The following THSD4 variants were observed in gnomAD, a reference collection of about 807,000 sequenced individuals.
THSD4 encodes thrombospondin type 1 domain containing 4.
THSD4 carries 69 observed loss-of-function variants against 119.0 expected under a neutral mutation model. That is an observed-to-expected ratio of 0.58 (90% CI 0.48 to 0.71). The LOEUF (loss-of-function observed/expected upper bound fraction) is 0.71. Among genes scored for constraint, THSD4 ranks in the 30% least tolerant of loss-of-function variants. The pLI, the probability that THSD4 is intolerant of heterozygous loss-of-function variation, is 0.00. For synonymous variants in THSD4, 524 were observed against 540.4 expected (o/e 0.97, Z 0.42); for missense variants, 1,393 against 1,391.1 (o/e 1.00, Z -0.02).
At chr15:71,503,548 A>G (rs1354801492) in intron 7 of THSD4, among the ~76,000 whole-genome samples, 1 of 152,148 alleles carries the variant, frequency 6.6e-6, no homozygotes, top group Non-Finnish European at 1.5e-5. Flanking sequence ...TGAAAAAACA[A>G]AACAAGTGTC....
intron 7 of THSD4, among the ~76,000 whole-genome samples, chr15:71,582,964 C>G (rs931736815): frequency 6.6e-6 from 1 of 152,128 alleles, no homozygotes; most frequent in Non-Finnish European, 1.5e-5. Flanking sequence ...GAAATGCTCT[C>G]TCCCTTTCAG....
intron 7 of THSD4, among the ~76,000 whole-genome samples, chr15:71,487,520 C>A (rs1397427196): frequency 1.3e-5 from 2 of 152,158 alleles, no homozygotes; most frequent in African/African-American, 4.8e-5. Context: ...AAGAAACTGT[C>A]AACCAGTGTA....
intron 3 of THSD4, among the ~76,000 whole-genome samples, chr15:71,174,728 A>C (rs1394950340): frequency 6.6e-6 from 1 of 150,578 alleles, no homozygotes; most frequent in African/African-American, 2.4e-5. Flanking sequence ...CTGCAGACTT[A>C]AGTGTCCCTG....
chr15:71,404,843 C>CTTTCTTTCT (rs199852380), intron 6 of THSD4, among the ~76,000 whole-genome samples: 1 of 151,940 alleles, frequency 6.6e-6, no homozygotes, highest in Non-Finnish European at 1.5e-5. Context: ...GTTGTCTTCT[C>CTTTCTTTCT]TTTCTTTCTT....
At chr15:71,604,345 AT>A (rs1439875931) in intron 7 of THSD4, among the ~76,000 whole-genome samples, 6 of 152,204 alleles carry the variant, frequency 3.9e-5, no homozygotes, top group Non-Finnish European at 5.9e-5. Flanking sequence ...ACACTTTGTA[AT>A]TTACAGATTG....
At chr15:71,445,727 G>T (rs1251479670) in intron 7 of THSD4, among the ~76,000 whole-genome samples, 1 of 152,222 alleles carries the variant, frequency 6.6e-6, no homozygotes, top group Non-Finnish European at 1.5e-5. Context: ...CATTGGTTAG[G>T]ACCACTGTTT....
chr15:71,173,979 A>G (rs141856941), intron 3 of THSD4, among the ~76,000 whole-genome samples: 8 of 152,182 alleles, frequency 5.3e-5, no homozygotes, highest in African/African-American at 1.7e-4. Context: ...GAACTATAAA[A>G]CTCTTAGAAG....
chr15:71,365,131 T>TTGTGTGTGTGTGAGTGTGTG (rs2045942046), intron 6 of THSD4, among the ~76,000 whole-genome samples: 1 of 135,824 alleles, frequency 7.4e-6, no homozygotes, highest in Non-Finnish European at 1.6e-5. Context: ...GCCCCCCCCA[T>TTGTGTGTGTGTGAGTGTGTG]TGTGTGTGTG....
At chr15:71,394,729 C>T (rs1283161404) in intron 6 of THSD4, among the ~76,000 whole-genome samples, 1 of 152,240 alleles carries the variant, frequency 6.6e-6, no homozygotes, top group South Asian at 2.1e-4. Flanking sequence ...TAAAACCTTT[C>T]CTGATACCCT....
At chr15:71,627,123 G>T (rs762556039) in intron 7 of THSD4, among the ~76,000 whole-genome samples, 7 of 152,020 alleles carry the variant, frequency 4.6e-5, no homozygotes, top group Non-Finnish European at 1.0e-4. Context: ...AACATGTCCT[G>T]AGGTTACAGA....
intron 7 of THSD4, among the ~76,000 whole-genome samples, chr15:71,427,421 C>T (rs1157861521): frequency 1.3e-5 from 2 of 151,620 alleles, no homozygotes; most frequent in African/African-American, 2.4e-5. Flanking sequence ...ATGATGAATG[C>T]TGTTGATGAA....
chr15:71,748,314 G>A (rs781598954), intron 13 of THSD4, 107 bp from the exon 14 acceptor site: 3 of 1,372,784 alleles, frequency 2.2e-6, no homozygotes, highest in Admixed American at 4.2e-5. Flanking sequence ...GCATGACAGA[G>A]CCTCAGTCTC....
In THSD4 at chr15:71,711,407, T is replaced by C. The variant is rs79133874; in HGVS notation, c.1358-17142T>C. Among the ~76,000 whole-genome samples the C allele has an allele frequency of 1.0e-3, 154 of 152,208 alleles. 2 individuals carry two copies. The East Asian group carries it at 0.025, about 25-fold the overall frequency. ...TAGACTATGACAAATTAGGTTTGTA[T>C]GTTTTAACACCTGGACAACAACTAA... On this transcript the variant is annotated intron_variant, in intron 8 of 17. Coordinates refer to ENST00000261862, the MANE Select transcript of THSD4 (RefSeq NM_024817.3).
intron 7 of THSD4, among the ~76,000 whole-genome samples, chr15:71,588,045 G>C (rs964654221): frequency 3.9e-5 from 6 of 151,964 alleles, no homozygotes; most frequent in African/African-American, 1.4e-4. Flanking sequence ...GGTGGCTCAC[G>C]CCTGTAATCC....
intron 7 of THSD4, among the ~76,000 whole-genome samples, chr15:71,622,978 G>A (rs139667886): frequency 9.7e-4 from 147 of 152,290 alleles, no homozygotes; most frequent in Non-Finnish European, 1.7e-3. Context: ...CAAGGACAAG[G>A]AAGAGGAGTC....
chr15:71,277,842 C>G (rs1406909971), intron 6 of THSD4, among the ~76,000 whole-genome samples: 1 of 152,192 alleles, frequency 6.6e-6, no homozygotes, highest in Non-Finnish European at 1.5e-5. Context: ...CCAGCCCTTT[C>G]TGTGCTGGGA....
intron 7 of THSD4, among the ~76,000 whole-genome samples, chr15:71,445,958 C>T (rs1366825944): frequency 2.0e-5 from 3 of 152,282 alleles, no homozygotes; most frequent in East Asian, 1.9e-4. Context: ...AATGCAGTTG[C>T]AAGATCGCTC....
chr15:71,517,661 T>G (rs566068077), intron 7 of THSD4, among the ~76,000 whole-genome samples: 6 of 152,346 alleles, frequency 3.9e-5, no homozygotes, highest in South Asian at 2.1e-4. Context: ...AACGACTGTT[T>G]CCTGCTCAAA....
At chr15:71,291,646 G>T (rs1567183525) in intron 6 of THSD4, among the ~76,000 whole-genome samples, 1 of 152,246 alleles carries the variant, frequency 6.6e-6, no homozygotes, top group East Asian at 1.9e-4. Context: ...TGATTCCAAT[G>T]TTAATCTTGT....
Sources: allele counts gnomAD v4.1 joint callset (sites outside exome capture counted in the v4.1 genomes callset), GRCh38; gene constraint gnomAD v4.1.1; transcripts MANE v1.5; gene names NCBI Gene and HGNC (gene_info 2026-07-23, HGNC 2026-07-21).